RCHY1: variants seen among roughly 807,000 people sequenced by gnomAD.
RCHY1 encodes RING finger and CHY zinc finger domain-containing protein 1.
A neutral mutation model predicts 41.6 loss-of-function variants in RCHY1; 21 were observed. The observed-to-expected ratio is 0.51, with a 90% CI of 0.36 to 0.73. RCHY1 has a LOEUF of 0.73. Ranked by LOEUF, RCHY1 falls within the 30% of genes least tolerant of loss-of-function variation. The probability of loss-of-function intolerance (pLI) is 0.00; values close to 1 mark genes in which losing one functional copy is unlikely to be tolerated. For missense variants in RCHY1, 265 were observed against 325.3 expected (o/e 0.81, Z 1.43); for synonymous variants, 79 against 102.9 (o/e 0.77, Z 1.41).
intron 3 of RCHY1, among the ~76,000 whole-genome samples, chr4:75,496,460 A>G (rs1325876396): frequency 6.6e-6 from 1 of 152,090 alleles, no homozygotes; most frequent in Non-Finnish European, 1.5e-5. Flanking sequence ...AATATTTAGT[A>G]GGATACCCAT....
At chr4:75,488,252 C>A (rs890157540) in intron 8 of RCHY1, among the ~76,000 whole-genome samples, 8 of 151,846 alleles carry the variant, frequency 5.3e-5, no homozygotes, top group African/African-American at 1.9e-4. Flanking sequence ...ACAGAAATAA[C>A]CAAATTTCCT....
At chr4:75,505,027 G>T (rs1361890703) in intron 3 of RCHY1, among the ~76,000 whole-genome samples, 1 of 152,110 alleles carries the variant, frequency 6.6e-6, no homozygotes, top group East Asian at 1.9e-4. Flanking sequence ...AACCTTTCTG[G>T]CACCAGGGAC....
At chr4:75,488,394 G>C (rs1722444980) in intron 8 of RCHY1, among the ~76,000 whole-genome samples, 1 of 152,080 alleles carries the variant, frequency 6.6e-6, no homozygotes, top group African/African-American at 2.4e-5. Context: ...GGAGGTTCAT[G>C]AAAGGATGAA....
At chr4:75,495,052 T>C (rs547925223) in intron 3 of RCHY1, among the ~76,000 whole-genome samples, 1 of 152,140 alleles carries the variant, frequency 6.6e-6, no homozygotes, top group South Asian at 2.1e-4. Context: ...TAGTTATTTA[T>C]ATAATGAATA....
intron 3 of RCHY1, among the ~76,000 whole-genome samples, chr4:75,497,515 C>G (rs1021032987): frequency 3.3e-5 from 5 of 152,264 alleles, no homozygotes; most frequent in African/African-American, 9.6e-5. Context: ...ATGGCAGAGC[C>G]AAGGTTGGTC....
At chr4:75,508,691 C>G (rs972433281) in intron 3 of RCHY1, 129 bp downstream of exon 3, 2 of 504,620 alleles carry the variant, frequency 4.0e-6, no homozygotes, top group African/African-American at 4.0e-5. Context: ...TATCAAAACT[C>G]ACTTAATTGG....
intron 8 of RCHY1, among the ~76,000 whole-genome samples, chr4:75,485,900 C>T (rs114934509): frequency 1.3e-3 from 195 of 152,238 alleles, no homozygotes; most frequent in African/African-American, 4.6e-3. Flanking sequence ...ATAGGAATGG[C>T]TTCAGAGGTG....
chr4:75,507,666 C>A (rs80099653), intron 3 of RCHY1, among the ~76,000 whole-genome samples: 12,345 of 151,970 alleles, frequency 0.081, 847 homozygotes, highest in African/African-American at 0.18. Flanking sequence ...TGCAAAAACT[C>A]ATCGAAAGAA....
intron 8 of RCHY1, among the ~76,000 whole-genome samples, chr4:75,483,968 A>G (rs1489905049): frequency 2.0e-5 from 3 of 152,202 alleles, no homozygotes. Flanking sequence ...CACTCTCCAT[A>G]AGCCAAAAGG....
intron 3 of RCHY1, among the ~76,000 whole-genome samples, chr4:75,494,968 A>G (rs1041495031): frequency 1.3e-5 from 2 of 151,954 alleles, no homozygotes; most frequent in Admixed American, 1.3e-4. Flanking sequence ...TTGTCTGTTC[A>G]TATGTTCTGT....
intron 1 of RCHY1, 93 bp from the exon 2 acceptor site, chr4:75,509,389 T>A: frequency 8.4e-7 from 1 of 1,193,838 alleles, no homozygotes; most frequent in Non-Finnish European, 1.2e-6. Context: ...TCCTCCTGGA[T>A]GGAACTGAAA....
At chr4:75,488,904 G>A (rs1346511079) in intron 8 of RCHY1, among the ~76,000 whole-genome samples, 3 of 151,976 alleles carry the variant, frequency 2.0e-5, no homozygotes, top group East Asian at 1.9e-4. Context: ...GCGAAACACC[G>A]ACTCTACTAA....
At chr4:75,495,833 T>C (rs1723152047) in intron 3 of RCHY1, among the ~76,000 whole-genome samples, 1 of 152,092 alleles carries the variant, frequency 6.6e-6, no homozygotes, top group Non-Finnish European at 1.5e-5. Context: ...ATTATCTTAA[T>C]ACTACCCTTT....
In RCHY1 at chr4:75,480,096, T is replaced by A. The variant is rs1721404082; in HGVS notation, c.*2442A>T. 1.3e-5 allele frequency: 2 copies of A among 152,180 alleles called. No individual in the cohort carries two copies. The highest frequency in any genetic ancestry group is 4.8e-5 in the African/African-American group (2 of 41,442). 9.4% of individuals were successfully genotyped at this position (152,180 alleles called of 1,614,324 possible). ...AATGAGAAGTGTTGAAGGATTTTAA[T>A]CATCGAGTTGACGTGTCATGAACAA... On this transcript the variant is annotated 3_prime_UTR_variant, in exon 9 of 9. Coordinates refer to ENST00000324439, the MANE Select transcript of RCHY1 (RefSeq NM_015436.4).
chr4:75,508,914 A>ATT lies in RCHY1; in HGVS notation c.230_231dup (p.Cys78AsnfsTer44). The ATT allele has an allele frequency of 2.5e-6, 4 of 1,607,086 alleles. No individual in the cohort carries two copies. The highest frequency in any genetic ancestry group is 3.4e-6 in the Non-Finnish European group (4 of 1,177,454). ...TAATATTCTCCAAACAATGTGCTAC[A>ATT]TTCTTCACAAGTCTGTTGGGCCTAA... is the stretch of plus-strand genomic sequence containing the variant. On this transcript the variant is annotated frameshift_variant, in exon 3 of 9. Transcript: ENST00000324439. LOFTEE classifies it high-confidence loss of function.
At chr4:75,514,637 A>G (rs1263719162), upstream of RCHY1, 2 of 211,582 alleles carry the variant, frequency 9.5e-6, no homozygotes, top group Admixed American at 5.4e-5. Context: ...CCCAGAGGAA[A>G]GGACGCTCAC....
At chr4:75,499,653 C>T (rs768019668) in intron 3 of RCHY1, among the ~76,000 whole-genome samples, 4 of 152,070 alleles carry the variant, frequency 2.6e-5, no homozygotes, top group East Asian at 1.9e-4. Flanking sequence ...TTATGTTAAG[C>T]GAAACAAGCC....
chr4:75,495,810 G>A (rs559881582), intron 3 of RCHY1, among the ~76,000 whole-genome samples: 27 of 152,058 alleles, frequency 1.8e-4, no homozygotes, highest in African/African-American at 5.3e-4. Context: ...TTTGGTTTCC[G>A]AATGGATAAT....
In RCHY1 at chr4:75,509,255, A is replaced by G. The variant is rs780021064; in HGVS notation, c.132T>C (p.His44=). The change falls in exon 2 of 9, where the codon CAT becomes CAC. Residue 44 remains histidine, a synonymous_variant. Coordinates refer to ENST00000324439, the MANE Select transcript of RCHY1 (RefSeq NM_015436.4). ...CTAGTTGATGATCTTCATTGTTATCATGACACAAGCGGCAAGTATAAAGCT... is the reference window on the plus strand; with the variant it reads ...CTAGTTGATGATCTTCATTGTTATCGTGACACAAGCGGCAAGTATAAAGCT... ...CDKLYTCRLC[H]DNNEDHQLDR... is the part of the protein sequence containing the mutation. 2.9e-5 allele frequency: 46 copies of G among 1,613,362 alleles called. No individual in the cohort carries two copies. The African/African-American group carries it at 4.3e-4, about 15-fold the overall frequency.
Sources: gnomAD v4.1 joint callset for allele counts (sites outside exome capture counted in the v4.1 genomes callset) on GRCh38, gnomAD v4.1.1 for gene constraint, MANE v1.5 for transcripts, NCBI Gene and HGNC (gene_info 2026-07-23, HGNC 2026-07-21) for gene names.